Variants in NID1 observed in about 807,000 individuals in gnomAD.
The protein encoded by NID1 is nidogen-1.
In NID1, 76 loss-of-function variants were observed where a neutral mutation model predicts 130.6. The observed-to-expected ratio is 0.58, with a 90% CI of 0.48 to 0.70. The LOEUF is 0.70. Among genes scored for constraint, NID1 ranks in the 30% least tolerant of loss-of-function variants. The pLI, the probability that NID1 is intolerant of heterozygous loss-of-function variation, is 0.00. For synonymous variants in NID1, 665 were observed against 675.1 expected (o/e 0.98, Z 0.23); for missense variants, 1,517 against 1,664.8 (o/e 0.91, Z 1.54).
Position 236,020,054 on chromosome 1 carries a change from A to C in NID1, c.2129-2781T>G, listed in dbSNP as rs983450503. Among the ~76,000 whole-genome samples the C allele has an allele frequency of 1.3e-3, 178 of 136,004 alleles. 2 individuals carry two copies. The highest frequency in any genetic ancestry group is 4.4e-3 in the African/African-American group (164 of 36,988). 89.2% of individuals were successfully genotyped at this position (136,004 alleles called of 152,430 possible). A position where few individuals can be genotyped will look rare whatever the true frequency, so the allele number is the denominator to read the frequency against. On this transcript the variant is annotated intron_variant, in intron 9 of 19. Coordinates refer to ENST00000264187, the MANE Select transcript of NID1 (RefSeq NM_002508.3). ...TCTGCCTTAAAAAAAAAAAAAAAAA[A>C]AAAACAAAAACAAACTTCTTTTCTA...
At position 235,979,939 on chromosome 1, in the gene NID1, T is replaced by C. The variant is rs909147761; in HGVS notation, c.3392A>G (p.Asn1131Ser). 2.5e-6 allele frequency: 4 copies of C among 1,613,950 alleles called. No individual in the cohort carries two copies. Among genetic ancestry groups the C allele is most frequent in the East Asian group, 2.2e-5 (1 of 44,876 alleles). ...SQLCWVDAGT[N>S]RAECLNPSQP... ...ACTGGGGTTCAGGCATTCCGCCCGA[T>C]TGGTGCCTGTGTGGAGTGGAAACAA... Residue 1131 changes from asparagine (N) to serine (S), a missense_variant, in exon 18 of 20, where the codon AAT becomes AGT. Coordinates refer to ENST00000264187, the MANE Select transcript of NID1 (RefSeq NM_002508.3). This position sits in a 1 kb window ranked among gnomAD's most constrained non-coding sequence, Gnocchi z 4.6.
chr1:236,039,314 T>G (rs1659375717), intron 4 of NID1, among the ~76,000 whole-genome samples: 1 of 151,282 alleles, frequency 6.6e-6, no homozygotes, highest in South Asian at 2.1e-4. Flanking sequence ...TGTACATATA[T>G]TTTATCCTCC....
In NID1 at chr1:236,032,470, C is replaced by A; in HGVS notation, c.1468G>T (p.Val490Phe). The change falls in exon 6 of 20, where the codon GTT (valine) becomes TTT (phenylalanine). Residue 490 changes from valine to phenylalanine, a missense_variant. Around this residue, in one of 3 missense-constraint regions of NID1, gnomAD observed 1,329 missense variants for 1,429.2 expected, o/e 0.93. Transcript: ENST00000264187. Reference sequence around the variant, plus strand: ...AACATCCATCCAATGATGCCTCCAACTGGGGCCAGTGGAAGCAGAGAATAT... The same window carrying A: ...AACATCCATCCAATGATGCCTCCAAATGGGGCCAGTGGAAGCAGAGAATAT... ...VGYSLLPLAP[V>F]GGIIGWMFAV... 4 of 1,614,182 alleles carry A rather than the reference C, an allele frequency of 2.5e-6. No homozygotes were observed. Among genetic ancestry groups the A allele is most frequent in the Non-Finnish European group, 3.4e-6 (4 of 1,180,026 alleles).
intron 12 of NID1, among the ~76,000 whole-genome samples, chr1:236,004,096 G>A (rs1209144938): frequency 6.6e-6 from 1 of 152,010 alleles, no homozygotes; most frequent in Non-Finnish European, 1.5e-5. Flanking sequence ...AACAAAGGGA[G>A]GGTTGTTGCT....
At chr1:236,024,355 T>G in intron 8 of NID1, 142 bp from the exon 9 acceptor site, 1 of 978,080 alleles carries the variant, frequency 1.0e-6, no homozygotes, top group East Asian at 2.6e-5. Context: ...AGCCAATTCC[T>G]GTGTTGCCCT....
At chr1:236,015,434 G>T (rs1256078818) in intron 10 of NID1, among the ~76,000 whole-genome samples, 12 of 151,966 alleles carry the variant, frequency 7.9e-5, no homozygotes, top group Non-Finnish European at 1.6e-4. Flanking sequence ...ATCACCTGAG[G>T]CCAGGAGTTC....
chr1:236,064,296 G>A (rs1660127790), intron 1 of NID1, among the ~76,000 whole-genome samples: 1 of 152,156 alleles, frequency 6.6e-6, no homozygotes, highest in Non-Finnish European at 1.5e-5. Flanking sequence ...TCCCGCTCTG[G>A]ACTCTGGACT....
chr1:236,045,779 T>C, intron 2 of NID1, 96 bp from the exon 3 acceptor site: 1 of 944,904 alleles, frequency 1.1e-6, no homozygotes, highest in South Asian at 1.7e-5. Flanking sequence ...TACAGTGCTA[T>C]AGAGCGATGG....
rs1657242807 is a variant in NID1, at chr1:235,976,198, C to T, written c.*1669G>A. ...ACTCCAATTATTCAAGGAAGACTTT[C>T]TTTCAATTCAGGTTCCAATGTACTG... On this transcript the variant is annotated 3_prime_UTR_variant, in exon 20 of 20. Coordinates refer to ENST00000264187, the MANE Select transcript of NID1 (RefSeq NM_002508.3). 1 of 152,176 alleles carries T rather than the reference C, an allele frequency of 6.6e-6. No individual in the cohort carries two copies. The highest frequency in any genetic ancestry group is 1.5e-5 in the Non-Finnish European group (1 of 68,026). 9.4% of individuals were successfully genotyped at this position (152,176 alleles called of 1,614,324 possible).
At chr1:235,981,354 C>A (rs1000463823) in intron 16 of NID1, among the ~76,000 whole-genome samples, 16 of 152,236 alleles carry the variant, frequency 1.1e-4, no homozygotes, top group African/African-American at 3.9e-4. Flanking sequence ...TGGAAAATAT[C>A]CAATTTCTGA....
chr1:236,043,678 G>T (rs1020010043), intron 3 of NID1, among the ~76,000 whole-genome samples: 24 of 152,038 alleles, frequency 1.6e-4, no homozygotes, highest in Admixed American at 1.2e-3. Context: ...GGCGCCTGTA[G>T]TCCCAGCTGC....
At chr1:235,998,094 C>T (rs578138407) in intron 12 of NID1, among the ~76,000 whole-genome samples, 21 of 152,254 alleles carry the variant, frequency 1.4e-4, no homozygotes, top group African/African-American at 3.1e-4. Flanking sequence ...TGTTCATTTG[C>T]GACTGGATCC....
intron 12 of NID1, among the ~76,000 whole-genome samples, chr1:235,999,166 G>T (rs1235519264): frequency 6.6e-6 from 1 of 152,226 alleles, no homozygotes; most frequent in Admixed American, 6.5e-5. Context: ...ATGTGGTGGT[G>T]CTTTTCCAGT....
chr1:235,979,932 C>T lies in NID1; in HGVS notation c.3399G>A (p.Ala1133=), dbSNP rs145280265. The T allele has an allele frequency of 2.1e-4, 340 of 1,613,998 alleles. No homozygotes were observed. Among genetic ancestry groups the T allele is most frequent in the African/African-American group, 1.0e-3 (76 of 75,036 alleles). ...TGGGCTGACTGGGGTTCAGGCATTC[C>T]GCCCGATTGGTGCCTGTGTGGAGTG... ...LCWVDAGTNR[A]ECLNPSQPSR... Residue 1133 remains alanine (A), a synonymous_variant, in exon 18 of 20, where the codon GCG becomes GCA. Coordinates refer to ENST00000264187, the MANE Select transcript of NID1 (RefSeq NM_002508.3). This position sits in a 1 kb window ranked among gnomAD's most constrained non-coding sequence, Gnocchi z 4.6.
At chr1:236,038,312 G>A (rs1019606466) in intron 4 of NID1, 59 bp from the exon 5 acceptor site, 7 of 1,567,850 alleles carry the variant, frequency 4.5e-6, no homozygotes, top group Admixed American at 1.7e-5. Flanking sequence ...AGCCCGGTGG[G>A]CTCTCTCATC....
chr1:236,032,441 T>C lies in NID1; in HGVS notation c.1497A>G (p.Ala499=). 1 of 1,614,106 alleles carries C rather than the reference T, an allele frequency of 6.2e-7. No individual in the cohort carries two copies. Among genetic ancestry groups the C allele is most frequent in the Non-Finnish European group, 8.5e-7 (1 of 1,180,014 alleles). The change falls in exon 6 of 20, where the codon GCA becomes GCG. Residue 499 remains alanine, a synonymous_variant. Transcript: ENST00000264187. ...CATTCTTGAATCCGTCCTGCTCCAC[T>C]GCAAACATCCATCCAATGATGCCTC... is the stretch of plus-strand genomic sequence containing the variant. ...PVGGIIGWMF[A]VEQDGFKNGF...
intron 11 of NID1, 131 bp from the exon 12 acceptor site, chr1:236,012,174 A>C: frequency 9.3e-7 from 1 of 1,071,410 alleles, no homozygotes; most frequent in Admixed American, 2.3e-5. Flanking sequence ...TCCAAAACTC[A>C]CTAAACATTA....
rs761421703 is a variant in NID1, at chr1:236,029,681, C to T, written c.1607G>A (p.Arg536Gln). 105 of 1,613,946 alleles carry T rather than the reference C, an allele frequency of 6.5e-5. 1 individual carries two copies. In the South Asian group the frequency reaches 9.7e-4, roughly 15 times the overall value. Residue 536 changes from arginine to glutamine, a missense_variant, in exon 7 of 20, where the codon CGG (arginine) becomes CAG (glutamine). Physicochemically the swap from Arg to Gln is conservative, Grantham distance 43. Around this residue, in one of 3 missense-constraint regions of NID1, gnomAD observed 1,329 missense variants for 1,429.2 expected, o/e 0.93. Coordinates refer to ENST00000264187, the MANE Select transcript of NID1 (RefSeq NM_002508.3). ...GHPGNLVIKQRFSGIDEHGHL... is the reference protein window; with the variant it reads ...GHPGNLVIKQQFSGIDEHGHL... ...CCCATGCTCATCGATGCCGCTGAAC[C>T]GCTGCTTAATGACCAGATTGCCCGG... is the stretch of plus-strand genomic sequence containing the variant.
At chr1:236,057,079 T>C (rs1232536938) in intron 1 of NID1, among the ~76,000 whole-genome samples, 5 of 151,846 alleles carry the variant, frequency 3.3e-5, no homozygotes, top group Admixed American at 3.3e-4. Context: ...ACCAATATGG[T>C]GAAATCCCGT....
Sources: allele counts gnomAD v4.1 joint callset (sites outside exome capture counted in the v4.1 genomes callset), GRCh38; gene constraint gnomAD v4.1.1; regional missense constraint gnomAD v4.1.1; non-coding constraint Gnocchi (gnomAD v3.1); transcripts MANE v1.5; gene names NCBI Gene and HGNC (gene_info 2026-07-23, HGNC 2026-07-21).